The following CTNND2 variants were observed in gnomAD, a reference collection of about 807,000 sequenced individuals.
The protein encoded by CTNND2 is catenin delta 2.
A neutral mutation model predicts 144.4 loss-of-function variants in CTNND2; 22 were observed. The ratio of observed to expected loss-of-function variants is 0.15; its 90% CI spans 0.11 to 0.22. CTNND2 has a LOEUF of 0.22. Among genes scored for constraint, CTNND2 ranks in the 10% least tolerant of loss-of-function variants. CTNND2 has a pLI of 1.00. For synonymous variants in CTNND2, 751 were observed against 695.6 expected (o/e 1.08, Z -1.25); for missense variants, 1,353 against 1,618.8 (o/e 0.84, Z 2.82).
At chr5:11,588,698 A>C (rs1779029338) in intron 2 of CTNND2, 1 of 949,236 alleles carries the variant, frequency 1.1e-6, no homozygotes, top group Non-Finnish European at 1.3e-6. Flanking sequence ...AGCATTGAAA[A>C]ACCAAACGCG....
At chr5:11,210,599 T>C (rs547705380) in intron 10 of CTNND2, among the ~76,000 whole-genome samples, 7 of 152,352 alleles carry the variant, frequency 4.6e-5, no homozygotes, top group Admixed American at 3.3e-4. Flanking sequence ...TTTATTTGTA[T>C]GTGGCAAAGC....
chr5:11,524,445 G>A (rs536442610), intron 3 of CTNND2, among the ~76,000 whole-genome samples: 4 of 152,248 alleles, frequency 2.6e-5, no homozygotes, highest in African/African-American at 9.6e-5. Flanking sequence ...TTGTTCTTTT[G>A]TGTCTAGAAG....
chr5:11,559,782 C>T (rs1392773846), intron 3 of CTNND2, among the ~76,000 whole-genome samples: 1 of 152,220 alleles, frequency 6.6e-6, no homozygotes, highest in Non-Finnish European at 1.5e-5. Context: ...CCTTGGGCTA[C>T]AGTCCACATC....
chr5:11,508,267 T>C (rs1771269862), intron 3 of CTNND2: 1 of 152,332 alleles, frequency 6.6e-6, no homozygotes, highest in South Asian at 2.1e-4. Flanking sequence ...GTAGTAACGG[T>C]TCTCTCTTCA....
At chr5:11,374,775 CTTTTTTTTTTTT>C (rs56327510) in intron 7 of CTNND2, among the ~76,000 whole-genome samples, 30,864 of 99,986 alleles carry the variant, frequency 0.31, 3,239 homozygotes, top group Admixed American at 0.43. Flanking sequence ...TCCCAATCTA[CTTTTTTTTTTTT>C]TTTTTTTTTT....
chr5:11,259,736 T>C (rs1172675684), intron 9 of CTNND2, among the ~76,000 whole-genome samples: 1 of 152,198 alleles, frequency 6.6e-6, no homozygotes, highest in African/African-American at 2.4e-5. Flanking sequence ...TGTGTCCAAA[T>C]AGCACCTGGA....
intron 6 of CTNND2, among the ~76,000 whole-genome samples, chr5:11,388,527 G>A (rs1204720260): frequency 1.3e-5 from 2 of 152,148 alleles, no homozygotes; most frequent in African/African-American, 2.4e-5. Context: ...AATAAACCAG[G>A]GGTGCTATAC....
At chr5:11,150,201 C>T (rs1336147969) in intron 12 of CTNND2, among the ~76,000 whole-genome samples, 1 of 152,114 alleles carries the variant, frequency 6.6e-6, no homozygotes, top group East Asian at 1.9e-4. Context: ...TCTTCCATAG[C>T]ACAGCTGCAC....
Position 11,700,994 on chromosome 5 carries a change from C to T in CTNND2, c.174+31142G>A, listed in dbSNP as rs984941129. Among the ~76,000 whole-genome samples, 9 of 152,302 alleles carry T rather than the reference C, an allele frequency of 5.9e-5. 1 individual carries two copies. Among genetic ancestry groups the T allele is most frequent in the Non-Finnish European group, 1.2e-4 (8 of 68,024 alleles). On this transcript the variant is annotated intron_variant, in intron 2 of 21. Coordinates refer to ENST00000304623, the MANE Select transcript of CTNND2 (RefSeq NM_001332.4). ...TCTTTATTTCATGAGTAGCATCAGA[C>T]ATAATCAAAGGGCAGTTATTTTATT...
chr5:10,973,696 G>A lies in CTNND2; in HGVS notation c.3435C>T (p.Val1145=), dbSNP rs184098551. The A allele has an allele frequency of 1.0e-5, 16 of 1,606,120 alleles. No individual in the cohort carries two copies. Among genetic ancestry groups the A allele is most frequent in the African/African-American group, 4.0e-5 (3 of 74,964 alleles). ...IKHNQVSAQP[V]PQEPSRKDYE... ...AATCTTTTCTGCTGGGCTCCTGTGG[G>A]ACTGGCTGTGCTGAAACCTAAACGG... Residue 1145 remains valine (V), a synonymous_variant, in exon 22 of 22, where the codon GTC becomes GTT. Coordinates refer to ENST00000304623, the MANE Select transcript of CTNND2 (RefSeq NM_001332.4). This position sits in a 1 kb window ranked among gnomAD's most constrained non-coding sequence, Gnocchi z 5.6.
intron 1 of CTNND2, among the ~76,000 whole-genome samples, chr5:11,845,674 T>C (rs1470628385): frequency 1.3e-5 from 2 of 152,206 alleles, no homozygotes; most frequent in Non-Finnish European, 2.9e-5. Context: ...TATTAATTAA[T>C]CCACTCAGTT....
At chr5:11,195,004 A>G (rs1352681969) in intron 11 of CTNND2, among the ~76,000 whole-genome samples, 1 of 152,220 alleles carries the variant, frequency 6.6e-6, no homozygotes, top group Non-Finnish European at 1.5e-5. Flanking sequence ...TCCAAATTAC[A>G]TAAGAAAATA....
intron 11 of CTNND2, among the ~76,000 whole-genome samples, chr5:11,173,845 C>T (rs1299499730): frequency 6.6e-6 from 1 of 152,176 alleles, no homozygotes; most frequent in Admixed American, 6.5e-5. Context: ...ATTACCTCTA[C>T]CTACTTCCCA....
intron 16 of CTNND2, among the ~76,000 whole-genome samples, chr5:11,082,086 C>T (rs1349985579): frequency 6.6e-6 from 1 of 152,222 alleles, no homozygotes; most frequent in African/African-American, 2.4e-5. Context: ...ACATCTCCTT[C>T]TCTTGAATGT....
intron 1 of CTNND2, among the ~76,000 whole-genome samples, chr5:11,874,342 T>A (rs150557057): frequency 6.6e-6 from 1 of 152,212 alleles, no homozygotes; most frequent in East Asian, 1.9e-4. Flanking sequence ...AAGTACCAAA[T>A]CCTCTATATA....
chr5:11,732,382 G>C (rs1327150352), intron 1 of CTNND2, 110 bp from the exon 2 acceptor site: 2 of 1,026,408 alleles, frequency 1.9e-6, no homozygotes, highest in Non-Finnish European at 2.8e-6. Flanking sequence ...ACTATAAGCT[G>C]CTGAGAAAGA....
intron 3 of CTNND2, among the ~76,000 whole-genome samples, chr5:11,502,913 A>T (rs1770678198): frequency 6.6e-6 from 1 of 152,266 alleles, no homozygotes; most frequent in Non-Finnish European, 1.5e-5. Flanking sequence ...ATGGAAATGT[A>T]AGTACATGTA....
chr5:10,981,053 AAAT>A (rs1356941269), intron 21 of CTNND2, among the ~76,000 whole-genome samples: 2 of 151,886 alleles, frequency 1.3e-5, no homozygotes, highest in Non-Finnish European at 2.9e-5. Flanking sequence ...AATAAAAATA[AAAT>A]AATAATAATA....
chr5:11,172,703 G>C (rs1366537850), intron 11 of CTNND2, among the ~76,000 whole-genome samples: 1 of 152,196 alleles, frequency 6.6e-6, no homozygotes, highest in African/African-American at 2.4e-5. Flanking sequence ...AATAACAAAG[G>C]TTGACGTTAA....
Sources: allele counts gnomAD v4.1 joint callset (sites outside exome capture counted in the v4.1 genomes callset), GRCh38; gene constraint gnomAD v4.1.1; non-coding constraint Gnocchi (gnomAD v3.1); transcripts MANE v1.5; gene names NCBI Gene and HGNC (gene_info 2026-07-23, HGNC 2026-07-21).